Variants in GNB5 observed in about 807,000 individuals in gnomAD.
GNB5 encodes guanine nucleotide-binding protein subunit beta-5.
In GNB5, 37 loss-of-function variants were observed where a neutral mutation model predicts 55.3. The observed-to-expected ratio is 0.67, with a 90% confidence interval of 0.51 to 0.88. The LOEUF (loss-of-function observed/expected upper bound fraction) is 0.88, where lower values mean the gene tolerates loss of function less well. Among genes scored for constraint, GNB5 ranks in the 40% least tolerant of loss-of-function variants. The pLI is 0.00. For missense variants in GNB5, 476 were observed against 515.3 expected, an observed-to-expected ratio of 0.92 and a Z score of 0.74; for synonymous variants, 219 against 198.5, an observed-to-expected ratio of 1.10 and a Z score of -0.87.
intron 5 of GNB5, chr15:52,149,507 G>A (rs2034046135): frequency 3.7e-6 from 2 of 534,520 alleles, no homozygotes; most frequent in Non-Finnish European, 3.3e-6. Context: ...TTCCCACAGG[G>A]CTATGGAGTC....
In GNB5 at chr15:52,136,157, CA is replaced by C. The variant is rs1566935762; in HGVS notation, c.628-402del. Among the ~76,000 whole-genome samples, 654 of 134,984 alleles carry C rather than the reference CA, an allele frequency of 4.8e-3. 22 individuals are homozygous for C. The highest frequency in any genetic ancestry group is 0.018 in the African/African-American group (626 of 34,832). The allele number at this position is 134,984 out of a possible 152,430, so 88.6% of individuals were successfully genotyped here. ...ACACACACACACACACACACACACACACACACACACACACACCCTACCTGCT... is the reference window on the plus strand; with the variant it reads ...ACACACACACACACACACACACACACCACACACACACACACCCTACCTGCT... On this transcript the variant is annotated intron_variant, in intron 7 of 12. Transcript: ENST00000261837.
chr15:52,133,164 T>C (rs1418414180), intron 9 of GNB5, among the ~76,000 whole-genome samples: 1 of 152,180 alleles, frequency 6.6e-6, no homozygotes, highest in African/African-American at 2.4e-5. Flanking sequence ...TGATTCAACT[T>C]AGGGAGGATA....
intron 3 of GNB5, among the ~76,000 whole-genome samples, chr15:52,166,879 A>G (rs890134750): frequency 4.6e-5 from 7 of 152,186 alleles, no homozygotes; most frequent in African/African-American, 1.7e-4. Context: ...CTTCAAAAAA[A>G]TCAATGAATC....
Position 52,116,055 on chromosome 15 carries a change from G to A in GNB5, c.*6702C>T, listed in dbSNP as rs1282760938. 2.6e-5 allele frequency: 4 copies of A among 152,136 alleles called. No individual in the cohort carries two copies. The highest frequency in any genetic ancestry group is 1.5e-5 in the Non-Finnish European group (1 of 68,040). 9.4% of individuals were successfully genotyped at this position (152,136 alleles called of 1,614,324 possible). A position where few individuals can be genotyped will look rare whatever the true frequency, so the allele number is the denominator to read the frequency against. On this transcript the variant is annotated 3_prime_UTR_variant, in exon 13 of 13. Transcript: ENST00000261837. Reference sequence around the variant, plus strand: ...GTGGATGCGCCATATTTTGTTCATCGATTCATCCACTGTGGAACATTGGGG... The same window carrying A: ...GTGGATGCGCCATATTTTGTTCATCAATTCATCCACTGTGGAACATTGGGG...
At chr15:52,147,372 G>T in intron 6 of GNB5, 87 bp downstream of exon 6, 1 of 811,014 alleles carries the variant, frequency 1.2e-6, no homozygotes, top group African/African-American at 1.7e-5. Flanking sequence ...AACAAAAACT[G>T]TGAGTTCTTG....
chr15:52,137,810 G>A (rs1366133857), intron 7 of GNB5: 6 of 1,270,828 alleles, frequency 4.7e-6, no homozygotes, highest in Non-Finnish European at 5.1e-6. Flanking sequence ...GCAATGGAGG[G>A]GACCTGCAAG....
chr15:52,148,974 C>A (rs115336272), intron 5 of GNB5, among the ~76,000 whole-genome samples: 1,590 of 152,328 alleles, frequency 0.01, 28 homozygotes, highest in African/African-American at 0.036. Flanking sequence ...GCAACTACAC[C>A]CCTGCATAGT....
chr15:52,164,576 C>G (rs982563403), intron 3 of GNB5, among the ~76,000 whole-genome samples: 1 of 151,786 alleles, frequency 6.6e-6, no homozygotes, highest in Non-Finnish European at 1.5e-5. Flanking sequence ...TGCAGTGAGC[C>G]GAGAGCACGA....
chr15:52,186,588 G>T (rs976278393), intron 1 of GNB5, among the ~76,000 whole-genome samples: 4 of 152,164 alleles, frequency 2.6e-5, no homozygotes, highest in African/African-American at 9.7e-5. Context: ...GCGGTTAAGG[G>T]GGAAGGGAGC....
chr15:52,130,821 G>A (rs975044396), intron 9 of GNB5, among the ~76,000 whole-genome samples: 1 of 152,130 alleles, frequency 6.6e-6, no homozygotes, highest in Non-Finnish European at 1.5e-5. Flanking sequence ...GTGAGAGAGT[G>A]TGCATTTTAT....
At chr15:52,176,053 A>AAAAAC (rs965779315) in intron 3 of GNB5, among the ~76,000 whole-genome samples, 14 of 150,706 alleles carry the variant, frequency 9.3e-5, no homozygotes, top group Non-Finnish European at 1.6e-4. Context: ...CATCTCAAAA[A>AAAAAC]AAAACAAAAC....
intron 3 of GNB5, among the ~76,000 whole-genome samples, chr15:52,156,350 T>C (rs972015097): frequency 3.9e-5 from 6 of 152,242 alleles, no homozygotes; most frequent in Admixed American, 3.9e-4. Flanking sequence ...AACTAAAAGT[T>C]CCTTTTAGTT....
chr15:52,153,102 C>T (rs2034134580), intron 4 of GNB5, among the ~76,000 whole-genome samples: 1 of 152,224 alleles, frequency 6.6e-6, no homozygotes, highest in African/African-American at 2.4e-5. Context: ...CAGGGTTGTT[C>T]TGTGTGACCA....
At chr15:52,133,888 T>C (rs978973228) in intron 8 of GNB5, among the ~76,000 whole-genome samples, 1 of 152,206 alleles carries the variant, frequency 6.6e-6, no homozygotes, top group Non-Finnish European at 1.5e-5. Flanking sequence ...GTGACATTAA[T>C]AAATGGGTTG....
At chr15:52,135,560 TA>T in intron 8 of GNB5, 52 bp downstream of exon 8, 1 of 1,512,468 alleles carries the variant, frequency 6.6e-7, no homozygotes, top group Non-Finnish European at 9.2e-7. Flanking sequence ...ACTGCCACCA[TA>T]AGCCTCCTTA....
At chr15:52,156,937 CTTT>C (rs996188157) in intron 3 of GNB5, among the ~76,000 whole-genome samples, 1 of 137,990 alleles carries the variant, frequency 7.2e-6, no homozygotes, top group Non-Finnish European at 1.6e-5. Flanking sequence ...TTTCCAAATT[CTTT>C]TTTTTTTTTT....
At chr15:52,129,422 C>A (rs983400221) in intron 9 of GNB5, among the ~76,000 whole-genome samples, 1 of 152,122 alleles carries the variant, frequency 6.6e-6, no homozygotes, top group Admixed American at 6.6e-5. Context: ...CTTACATTGG[C>A]CTGAAAGACG....
chr15:52,136,172 A>ACACACACACACACC lies in GNB5; in HGVS notation c.628-417_628-416insGGTGTGTGTGTGTG, dbSNP rs1168734914. 4.1e-3 allele frequency among the ~76,000 whole-genome samples: 408 copies of ACACACACACACACC among 100,082 alleles called. 50 individuals are homozygous for ACACACACACACACC. The highest frequency in any genetic ancestry group is 0.017 in the African/African-American group (377 of 22,754). The allele number at this position is 100,082 out of a possible 152,430, so 65.7% of individuals were successfully genotyped here. On this transcript the variant is annotated intron_variant, in intron 7 of 12. Transcript: ENST00000261837. ...CACACACACACACACACACACACACACCCTACCTGCTGTATCTGGGTTCAT... is the reference window on the plus strand; with the variant it reads ...CACACACACACACACACACACACACACACACACACACACCCCCTACCTGCTGTATCTGGGTTCAT...
chr15:52,117,102 A>ATATATATATATATATATATATTTTTT lies in GNB5; in HGVS notation c.*5654_*5655insAAAAAATATATATATATATATATATA. ...CCACGCCCAGCTAATATATATATAT[A>ATATATATATATATATATATATTTTTT]TTTTTTTTTAGTACAGACAGGGTTT... On this transcript the variant is annotated 3_prime_UTR_variant, in exon 13 of 13. Coordinates refer to ENST00000261837, the MANE Select transcript of GNB5 (RefSeq NM_016194.4). 3.4e-5 allele frequency: 3 copies of ATATATATATATATATATATATTTTTT among 87,094 alleles called. No individual in the cohort carries two copies. Among genetic ancestry groups the ATATATATATATATATATATATTTTTT allele is most frequent in the African/African-American group, 1.2e-4 (2 of 16,444 alleles). The allele number at this position is 87,094 out of a possible 1,614,324, so 5.4% of individuals were successfully genotyped here. A position where few individuals can be genotyped will look rare whatever the true frequency, so the allele number is the denominator to read the frequency against.
Sources: gnomAD v4.1 joint callset for allele counts (sites outside exome capture counted in the v4.1 genomes callset) on GRCh38, gnomAD v4.1.1 for gene constraint, MANE v1.5 for transcripts, NCBI Gene and HGNC (gene_info 2026-07-23, HGNC 2026-07-21) for gene names.